The following PTPRD variants were observed in gnomAD, a reference collection of about 807,000 sequenced individuals.
PTPRD encodes protein tyrosine phosphatase receptor type D, also known as receptor-type tyrosine-protein phosphatase delta.
In PTPRD, 34 loss-of-function variants were observed where a neutral mutation model predicts 214.5. The ratio of observed to expected loss-of-function variants is 0.16; its 90% CI spans 0.12 to 0.21. The LOEUF (loss-of-function observed/expected upper bound fraction) is 0.21. Ranked by LOEUF, PTPRD falls within the 10% of genes least tolerant of loss-of-function variation. PTPRD has a pLI of 1.00. For missense variants in PTPRD, 2,545 were observed against 2,398.7 expected (o/e 1.06, Z -1.27); for synonymous variants, 1,128 against 845.7 (o/e 1.33, Z -5.79).
At chr9:8,830,225 A>T (rs552760944) in intron 11 of PTPRD, among the ~76,000 whole-genome samples, 3 of 152,272 alleles carry the variant, frequency 2.0e-5, no homozygotes, top group African/African-American at 7.2e-5. Context: ...GGAGAGCCTG[A>T]GGTATTAACT....
intron 4 of PTPRD, among the ~76,000 whole-genome samples, chr9:10,025,816 C>G (rs1350817755): frequency 6.6e-6 from 1 of 152,148 alleles, no homozygotes; most frequent in African/African-American, 2.4e-5. Context: ...TTGAAAGACT[C>G]TGAGGAAACC....
chr9:10,038,843 C>T (rs888165063), intron 3 of PTPRD, among the ~76,000 whole-genome samples: 1 of 151,944 alleles, frequency 6.6e-6, no homozygotes, highest in African/African-American at 2.4e-5. Context: ...CCCCTCAATC[C>T]CTATGGCCCT....
intron 4 of PTPRD, among the ~76,000 whole-genome samples, chr9:9,944,564 G>C (rs770870099): frequency 1.3e-5 from 2 of 152,056 alleles, no homozygotes; most frequent in Non-Finnish European, 2.9e-5. Flanking sequence ...CAACATTTGA[G>C]TGAAGACCTG....
At chr9:10,194,182 T>G (rs561834790) in intron 3 of PTPRD, among the ~76,000 whole-genome samples, 1 of 152,156 alleles carries the variant, frequency 6.6e-6, no homozygotes, top group African/African-American at 2.4e-5. Flanking sequence ...CCATCGTGCT[T>G]CTCACTTTAT....
intron 11 of PTPRD, among the ~76,000 whole-genome samples, chr9:8,776,556 T>C (rs898838929): frequency 4.0e-5 from 6 of 151,880 alleles, no homozygotes; most frequent in Non-Finnish European, 7.4e-5. Context: ...CCTCCCAAAG[T>C]GCTGTGATTA....
intron 10 of PTPRD, among the ~76,000 whole-genome samples, chr9:9,173,134 C>T (rs1369772124): frequency 1.3e-5 from 2 of 152,124 alleles, no homozygotes; most frequent in South Asian, 2.1e-4. Flanking sequence ...AGGGTCTTTG[C>T]ACCTGCTCTT....
rs1484927014 is a variant in PTPRD, at chr9:10,090,646, T to A, written c.-544-56856A>T. Among the ~76,000 whole-genome samples the A allele has an allele frequency of 2.0e-5, 3 of 148,686 alleles. No individual in the cohort carries two copies. The South Asian group carries it at 6.4e-4, about 32-fold the overall frequency. On this transcript the variant is annotated intron_variant, in intron 3 of 45. Coordinates refer to ENST00000381196, the MANE Select transcript of PTPRD (RefSeq NM_002839.4). ...ATACATAAATAAAAAAACCACCAAC[T>A]AAGAACCAGAATAAATAAAGTAAAT...
chr9:8,977,479 A>T (rs759270714), intron 11 of PTPRD, among the ~76,000 whole-genome samples: 2 of 152,070 alleles, frequency 1.3e-5, no homozygotes, highest in Admixed American at 1.3e-4. Flanking sequence ...GCTGTTTCCC[A>T]TAAGGGCTCT....
chr9:8,336,632 A>AG (rs1847082437), intron 43 of PTPRD, among the ~76,000 whole-genome samples: 1 of 137,106 alleles, frequency 7.3e-6, no homozygotes, highest in Admixed American at 7.3e-5. Context: ...GCAGAGCAAA[A>AG]AAAAAAAAAA....
At chr9:8,679,582 T>G (rs1237700084) in intron 12 of PTPRD, among the ~76,000 whole-genome samples, 1 of 152,228 alleles carries the variant, frequency 6.6e-6, no homozygotes, top group Non-Finnish European at 1.5e-5. Context: ...CTAAATTATC[T>G]TTTAAAAGAT....
chr9:10,480,882 G>C (rs1424393541), intron 2 of PTPRD, among the ~76,000 whole-genome samples: 2 of 152,104 alleles, frequency 1.3e-5, no homozygotes, highest in Non-Finnish European at 2.9e-5. Context: ...CCTACTGTAA[G>C]ACACTAGTAT....
At chr9:9,528,202 C>G (rs1262097434) in intron 8 of PTPRD, among the ~76,000 whole-genome samples, 1 of 152,076 alleles carries the variant, frequency 6.6e-6, no homozygotes, top group Admixed American at 6.6e-5. Context: ...CTCTACCAAG[C>G]CTTTCACTGA....
intron 5 of PTPRD, among the ~76,000 whole-genome samples, chr9:9,789,859 A>G (rs1451353399): frequency 6.6e-6 from 1 of 151,890 alleles, no homozygotes; most frequent in Non-Finnish European, 1.5e-5. Flanking sequence ...GGACAAGTGC[A>G]AATCAAACTT....
intron 3 of PTPRD, among the ~76,000 whole-genome samples, chr9:10,332,855 C>T (rs1309087377): frequency 6.6e-6 from 1 of 151,778 alleles, no homozygotes; most frequent in Non-Finnish European, 1.5e-5. Flanking sequence ...CTCTAAGCAC[C>T]TGATTAAAAG....
intron 10 of PTPRD, among the ~76,000 whole-genome samples, chr9:9,141,575 C>T (rs1185864338): frequency 6.6e-6 from 1 of 151,608 alleles, no homozygotes; most frequent in East Asian, 1.9e-4. Flanking sequence ...TCCTTAGCCA[C>T]CCATGTTTCC....
intron 3 of PTPRD, among the ~76,000 whole-genome samples, chr9:10,217,876 T>C (rs1332846741): frequency 6.6e-6 from 1 of 151,858 alleles, no homozygotes; most frequent in Non-Finnish European, 1.5e-5. Context: ...TTCAAGATGC[T>C]CCATTGGCCC....
chr9:9,063,380 A>T (rs2099711234), intron 10 of PTPRD, among the ~76,000 whole-genome samples: 2 of 152,158 alleles, frequency 1.3e-5, no homozygotes, highest in Admixed American at 1.3e-4. Context: ...TTCTACCTTC[A>T]CTGAAATGCC....
At chr9:9,742,529 C>A (rs887753815) in intron 6 of PTPRD, among the ~76,000 whole-genome samples, 2 of 151,932 alleles carry the variant, frequency 1.3e-5, no homozygotes, top group Non-Finnish European at 2.9e-5. Context: ...ACTATTCATA[C>A]CTTTTGAGAA....
At chr9:8,670,161 C>T (rs2154362633) in intron 12 of PTPRD, among the ~76,000 whole-genome samples, 1 of 152,094 alleles carries the variant, frequency 6.6e-6, no homozygotes, top group South Asian at 2.1e-4. Context: ...GAAAAGGCAT[C>T]AGAAAAAGAT....
Sources: gnomAD v4.1 joint callset for allele counts (sites outside exome capture counted in the v4.1 genomes callset) on GRCh38, gnomAD v4.1.1 for gene constraint, MANE v1.5 for transcripts, NCBI Gene and HGNC (gene_info 2026-07-23, HGNC 2026-07-21) for gene names.